The following FGF14 variants were observed in gnomAD, a reference collection of about 807,000 sequenced individuals.
The protein encoded by FGF14 is fibroblast growth factor 14.
Under a neutral mutation model 25.5 loss-of-function variants are expected in FGF14, and 5 were observed. That is an observed-to-expected ratio of 0.20 (90% confidence interval 0.10 to 0.41). The LOEUF (loss-of-function observed/expected upper bound fraction) is 0.41. FGF14 is among the 10% of genes least tolerant of loss of function. The pLI is 1.00. For missense variants in FGF14, 222 were observed against 320.1 expected (o/e 0.69, Z 2.34); for synonymous variants, 138 against 118.3 (o/e 1.17, Z -1.08).
intron 1 of FGF14, among the ~76,000 whole-genome samples, chr13:101,885,581 T>A (rs767392526): frequency 3.9e-5 from 6 of 152,144 alleles, no homozygotes; most frequent in Non-Finnish European, 7.3e-5. Context: ...AGGTAGCCAC[T>A]GAATTCCTTA....
chr13:101,975,043 G>A (rs891566760), intron 1 of FGF14, among the ~76,000 whole-genome samples: 1 of 152,036 alleles, frequency 6.6e-6, no homozygotes, highest in African/African-American at 2.4e-5. Flanking sequence ...AAGGACAAGA[G>A]AAGATGAAGG....
intron 1 of FGF14, among the ~76,000 whole-genome samples, chr13:102,277,841 AC>A (rs1385659727): frequency 6.6e-6 from 1 of 152,238 alleles, no homozygotes; most frequent in African/African-American, 2.4e-5. Context: ...TTTGTAACTG[AC>A]CTAATTTAAT....
intron 1 of FGF14, among the ~76,000 whole-genome samples, chr13:102,180,433 C>T (rs1042743021): frequency 1.1e-4 from 16 of 152,078 alleles, no homozygotes; most frequent in Non-Finnish European, 7.4e-5. Context: ...CTCCCTCAGC[C>T]TCCCGAGTAG....
chr13:101,968,523 A>G (rs932383933), intron 1 of FGF14, among the ~76,000 whole-genome samples: 1 of 151,936 alleles, frequency 6.6e-6, no homozygotes, highest in South Asian at 2.1e-4. Flanking sequence ...AATACAAAAA[A>G]TTAGCCAGGC....
chr13:102,130,667 A>G (rs1448903190), intron 1 of FGF14, among the ~76,000 whole-genome samples: 2 of 152,192 alleles, frequency 1.3e-5, no homozygotes, highest in East Asian at 3.8e-4. Context: ...AAAATAAAAA[A>G]CAAGAAAAAT....
chr13:102,095,695 C>T (rs1363661439), intron 1 of FGF14, among the ~76,000 whole-genome samples: 1 of 152,038 alleles, frequency 6.6e-6, no homozygotes, highest in African/African-American at 2.4e-5. Flanking sequence ...TATGATGATC[C>T]ACTTCCACTT....
intron 1 of FGF14, among the ~76,000 whole-genome samples, chr13:101,915,953 G>A (rs116829857): frequency 0.016 from 2,419 of 152,286 alleles, 22 homozygotes; most frequent in Non-Finnish European, 0.026. Context: ...TCCCGCTGGG[G>A]GCACCGCCAG....
At chr13:102,201,712 T>C (rs1008189149) in intron 1 of FGF14, among the ~76,000 whole-genome samples, 2 of 152,202 alleles carry the variant, frequency 1.3e-5, no homozygotes, top group African/African-American at 4.8e-5. Context: ...GAAAGAATAT[T>C]AATCTGGCAC....
chr13:102,053,396 AG>A (rs2042298907), intron 1 of FGF14, among the ~76,000 whole-genome samples: 2 of 152,126 alleles, frequency 1.3e-5, no homozygotes, highest in African/African-American at 4.8e-5. Context: ...ACCAAAATAG[AG>A]AAATTATTTC....
chr13:102,112,365 C>A (rs1224451093), intron 1 of FGF14, among the ~76,000 whole-genome samples: 1 of 151,554 alleles, frequency 6.6e-6, no homozygotes. Context: ...ACACCTGCCA[C>A]CCCCCAGCCC....
At position 101,711,610 on chromosome 13, in the gene FGF14, A is replaced by T. The variant is rs553501733; in HGVS notation, c.*11221T>A. On this transcript the variant is annotated 3_prime_UTR_variant, in exon 5 of 5. Transcript: ENST00000376143. ...TGGATTGAATCAGAGTGAAGTCTTC[A>T]GTTAACTGTTTGTTTATTGCCTGTG... 4 of 152,334 alleles carry T rather than the reference A, an allele frequency of 2.6e-5. No individual in the cohort carries two copies. In the East Asian group the frequency reaches 7.7e-4, roughly 29 times the overall value. 9.4% of individuals were successfully genotyped at this position (152,334 alleles called of 1,614,324 possible). A position where few individuals can be genotyped will look rare whatever the true frequency, so the allele number is the denominator to read the frequency against.
At chr13:102,401,768 C>A in exon 1 of FGF14, 1 of 1,112,578 alleles carries the variant, frequency 9.0e-7, no homozygotes, top group Non-Finnish European at 1.3e-6. Flanking sequence ...TGTTTGTTTT[C>A]GGCCAGGGTG....
At chr13:101,788,534 G>A (rs1179812569) in intron 3 of FGF14, among the ~76,000 whole-genome samples, 4 of 151,968 alleles carry the variant, frequency 2.6e-5, no homozygotes, top group East Asian at 3.9e-4. Context: ...ATTATGAACC[G>A]GAAGCATGTT....
Position 102,006,724 on chromosome 13 carries a change from CTTCTTTTTT to C in FGF14, c.209-131437_209-131429del, listed in dbSNP as rs1277964220. On this transcript the variant is annotated intron_variant, in intron 1 of 4. Transcript: ENST00000376131. ...CTGAAATATGAGTCACAAAATCTTA[CTTCTTTTTT>C]TTTTTTTTTTTTTTTTTTTTTTGAG... 2.4e-4 allele frequency among the ~76,000 whole-genome samples: 24 copies of C among 97,986 alleles called. 1 individual carries two copies. Among genetic ancestry groups the C allele is most frequent in the African/African-American group, 9.8e-4 (24 of 24,456 alleles). 64.3% of individuals were successfully genotyped at this position (97,986 alleles called of 152,430 possible). A position where few individuals can be genotyped will look rare whatever the true frequency, so the allele number is the denominator to read the frequency against.
chr13:101,710,933 T>G lies in FGF14; in HGVS notation c.*11898A>C, dbSNP rs1374368750. 1.3e-5 allele frequency: 2 copies of G among 152,234 alleles called. No homozygotes were observed. Among genetic ancestry groups the G allele is most frequent in the Non-Finnish European group, 1.5e-5 (1 of 68,042 alleles). 9.4% of individuals were successfully genotyped at this position (152,234 alleles called of 1,614,324 possible). Reference sequence around the variant, plus strand: ...ACAGATGGAGTAGTTAGTACAATAGTGAAAACTGCCTGCTGGGATGTCAGG... The same window carrying G: ...ACAGATGGAGTAGTTAGTACAATAGGGAAAACTGCCTGCTGGGATGTCAGG... On this transcript the variant is annotated 3_prime_UTR_variant, in exon 5 of 5. Transcript: ENST00000376143.
intron 1 of FGF14, among the ~76,000 whole-genome samples, chr13:102,043,136 C>T (rs1263391595): frequency 6.6e-6 from 1 of 152,176 alleles, no homozygotes; most frequent in Non-Finnish European, 1.5e-5. Flanking sequence ...TTACATTGCT[C>T]TTTTAATCTG....
chr13:102,307,473 G>A (rs1259152926), intron 1 of FGF14, among the ~76,000 whole-genome samples: 1 of 151,872 alleles, frequency 6.6e-6, no homozygotes, highest in Non-Finnish European at 1.5e-5. Flanking sequence ...ACAAGAACTG[G>A]CTTATAATTT....
intron 1 of FGF14, among the ~76,000 whole-genome samples, chr13:102,158,485 A>G (rs2047456435): frequency 7.0e-6 from 1 of 142,866 alleles, no homozygotes; most frequent in African/African-American, 2.5e-5. Flanking sequence ...ACACATGGAC[A>G]CAGGAAGGGG....
intron 1 of FGF14, among the ~76,000 whole-genome samples, chr13:102,240,350 C>A (rs966635772): frequency 6.6e-6 from 1 of 152,118 alleles, no homozygotes; most frequent in Non-Finnish European, 1.5e-5. Context: ...ATGCTTTCCC[C>A]GGCTCACACA....
Sources: allele counts gnomAD v4.1 joint callset (sites outside exome capture counted in the v4.1 genomes callset), GRCh38; gene constraint gnomAD v4.1.1; transcripts MANE v1.5; gene names NCBI Gene and HGNC (gene_info 2026-07-23, HGNC 2026-07-21).